The following RPS6KA2 variants were observed in gnomAD, a reference collection of about 807,000 sequenced individuals.
RPS6KA2 encodes ribosomal protein S6 kinase alpha-2.
RPS6KA2 carries 42 observed loss-of-function variants against 91.8 expected under a neutral mutation model. The ratio of observed to expected loss-of-function variants is 0.46; its 90% CI spans 0.36 to 0.59. RPS6KA2 has a LOEUF of 0.59. RPS6KA2 is among the 20% of genes least tolerant of loss of function. The pLI, the probability that RPS6KA2 is intolerant of heterozygous loss-of-function variation, is 0.00. For synonymous variants in RPS6KA2, 414 were observed against 393.6 expected (o/e 1.05, Z -0.61); for missense variants, 798 against 978.5 (o/e 0.82, Z 2.46).
At chr6:166,788,336 G>A (rs1220723358) in intron 2 of RPS6KA2, among the ~76,000 whole-genome samples, 1 of 152,148 alleles carries the variant, frequency 6.6e-6, no homozygotes. Flanking sequence ...CCATTACTGG[G>A]TATAGACCCA....
chr6:166,787,815 T>C (rs1292149735), intron 2 of RPS6KA2, among the ~76,000 whole-genome samples: 3 of 152,034 alleles, frequency 2.0e-5, no homozygotes, highest in South Asian at 2.1e-4. Context: ...AAAGCCAAAA[T>C]TGACAAATGG....
At chr6:166,655,453 G>A (rs939249909) in intron 2 of RPS6KA2, among the ~76,000 whole-genome samples, 5 of 152,196 alleles carry the variant, frequency 3.3e-5, no homozygotes, top group African/African-American at 7.2e-5. Context: ...CAAACAGAGC[G>A]GACTCCTGGG....
intron 11 of RPS6KA2, among the ~76,000 whole-genome samples, chr6:166,468,523 C>T (rs1780624801): frequency 6.6e-6 from 1 of 151,938 alleles, no homozygotes; most frequent in Non-Finnish European, 1.5e-5. Flanking sequence ...CAGGTGGGGC[C>T]CACCTCTTAA....
intron 1 of RPS6KA2, among the ~76,000 whole-genome samples, chr6:166,562,895 C>A (rs1057412534): frequency 2.0e-5 from 3 of 152,144 alleles, no homozygotes; most frequent in Admixed American, 2.0e-4. Context: ...GTTGGGGGTG[C>A]AGGGGGCCTG....
At chr6:166,699,576 G>A (rs571490045) in intron 2 of RPS6KA2, among the ~76,000 whole-genome samples, 10 of 152,158 alleles carry the variant, frequency 6.6e-5, no homozygotes, top group Non-Finnish European at 1.2e-4. Context: ...TAACATGACT[G>A]TGATCATCTT....
intron 2 of RPS6KA2, among the ~76,000 whole-genome samples, chr6:166,740,864 T>A (rs1790791785): frequency 6.6e-6 from 1 of 152,274 alleles, no homozygotes; most frequent in Non-Finnish European, 1.5e-5. Context: ...AAATATTCCA[T>A]GCATTGCGTG....
At chr6:166,629,205 G>C (rs1787001669), upstream of RPS6KA2, among the ~76,000 whole-genome samples, 1 of 152,252 alleles carries the variant, frequency 6.6e-6, no homozygotes, top group Non-Finnish European at 1.5e-5. Flanking sequence ...CCTCGGAAGG[G>C]GAGCCAGTAA....
chr6:166,721,914 T>C (rs763693503), intron 2 of RPS6KA2, among the ~76,000 whole-genome samples: 1 of 152,194 alleles, frequency 6.6e-6, no homozygotes, highest in Non-Finnish European at 1.5e-5. Context: ...CTGATTCCTA[T>C]CATGCTTCCT....
intron 2 of RPS6KA2, among the ~76,000 whole-genome samples, chr6:166,695,214 C>G (rs2086368415): frequency 6.6e-6 from 1 of 152,178 alleles, no homozygotes; most frequent in Non-Finnish European, 1.5e-5. Flanking sequence ...GAGAAAAGGT[C>G]ACTAACTCTG....
At chr6:166,573,849 T>C (rs953855030) in intron 1 of RPS6KA2, among the ~76,000 whole-genome samples, 3 of 152,146 alleles carry the variant, frequency 2.0e-5, no homozygotes, top group African/African-American at 7.2e-5. Flanking sequence ...AACTTTTAAA[T>C]AGTTAATAGA....
At chr6:166,631,971 TG>T (rs202191753), upstream of RPS6KA2, among the ~76,000 whole-genome samples, 4,381 of 152,068 alleles carry the variant, frequency 0.029, 200 homozygotes, top group African/African-American at 0.1. Flanking sequence ...AGAGAGGCGG[TG>T]GGGACAGCGC....
chr6:166,818,982 A>C (rs1188812160), intron 2 of RPS6KA2, among the ~76,000 whole-genome samples: 2 of 151,982 alleles, frequency 1.3e-5, no homozygotes, highest in Admixed American at 6.6e-5. Flanking sequence ...CTTACACACC[A>C]AGCTCAGGAT....
intron 2 of RPS6KA2, among the ~76,000 whole-genome samples, chr6:166,753,655 C>G (rs769224013): frequency 2.6e-5 from 4 of 152,158 alleles, no homozygotes; most frequent in African/African-American, 7.2e-5. Flanking sequence ...AGTTTGTCAC[C>G]TCCCTACAAA....
intron 2 of RPS6KA2, among the ~76,000 whole-genome samples, chr6:166,772,623 C>T (rs1259597362): frequency 1.3e-5 from 2 of 152,114 alleles, no homozygotes; most frequent in African/African-American, 2.4e-5. Flanking sequence ...CCAAATGTGC[C>T]GCAATGTTGT....
chr6:166,827,773 G>A (rs562529092), intron 2 of RPS6KA2, among the ~76,000 whole-genome samples: 131 of 152,300 alleles, frequency 8.6e-4, no homozygotes, highest in African/African-American at 3.0e-3. Context: ...CTCACACTGC[G>A]TATCTTAAAT....
chr6:166,812,374 G>A (rs970526266), intron 2 of RPS6KA2, among the ~76,000 whole-genome samples: 8 of 152,042 alleles, frequency 5.3e-5, no homozygotes, highest in African/African-American at 1.4e-4. Flanking sequence ...GAAATAAAGC[G>A]TCTGGGCTCC....
At chr6:166,773,272 G>A (rs995786139) in intron 2 of RPS6KA2, among the ~76,000 whole-genome samples, 3 of 152,196 alleles carry the variant, frequency 2.0e-5, no homozygotes, top group East Asian at 1.9e-4. Flanking sequence ...GGGGAAGAGG[G>A]GTCACAGGAA....
At chr6:166,853,994 C>T (rs111776334) in intron 2 of RPS6KA2, among the ~76,000 whole-genome samples, 2,118 of 152,330 alleles carry the variant, frequency 0.014, 47 homozygotes, top group African/African-American at 0.048. Context: ...ATACTGAGCC[C>T]CTTCAAGTAA....
At chr6:166,670,673 C>T (rs1788446149) in intron 2 of RPS6KA2, among the ~76,000 whole-genome samples, 2 of 151,236 alleles carry the variant, frequency 1.3e-5, no homozygotes, top group Admixed American at 1.3e-4. Context: ...AAGAATATGA[C>T]CCTCACCTCT....
Sources: gnomAD v4.1 joint callset for allele counts (sites outside exome capture counted in the v4.1 genomes callset) on GRCh38, gnomAD v4.1.1 for gene constraint, MANE v1.5 for transcripts, NCBI Gene and HGNC (gene_info 2026-07-23, HGNC 2026-07-21) for gene names.